The following TENT5D variants were observed in gnomAD, a reference collection of about 807,000 sequenced individuals.
TENT5D encodes terminal nucleotidyltransferase 5D, also known as cancer/testis antigen 112.
For missense variants in TENT5D, 191 were observed against 287.0 expected (o/e 0.67, Z 2.42); for synonymous variants, 103 against 100.6 (o/e 1.02, Z -0.15).
chrX:80,435,810 G>A (rs904570365), intron 1 of TENT5D, among the ~76,000 whole-genome samples: 1 of 112,300 alleles, frequency 8.9e-6, no homozygotes, highest in South Asian at 3.6e-4. Context: ...TCTTTTGTAA[G>A]CAAAACTTAT....
intron 3 of TENT5D, among the ~76,000 whole-genome samples, chrX:80,382,734 G>A (rs1165310974): frequency 3.7e-5 from 4 of 108,334 alleles, no homozygotes; most frequent in Non-Finnish European, 5.7e-5. Context: ...CTGCTGCCTC[G>A]CAGTTCAATC....
At chrX:80,426,173 G>A (rs1931985232) in intron 1 of TENT5D, among the ~76,000 whole-genome samples, 1 of 111,208 alleles carries the variant, frequency 9.0e-6, no homozygotes. Flanking sequence ...TGTAGCATCC[G>A]AAAGCTAGGT....
At chrX:80,375,935 C>T (rs1014848507) in intron 3 of TENT5D, among the ~76,000 whole-genome samples, 11 of 111,455 alleles carry the variant, frequency 9.9e-5, no homozygotes, top group African/African-American at 3.2e-4. Flanking sequence ...ATAAGTAAGG[C>T]AATAAGTACT....
intron 3 of TENT5D, among the ~76,000 whole-genome samples, chrX:80,386,808 A>G (rs866240009): frequency 9.0e-6 from 1 of 111,485 alleles, no homozygotes; most frequent in Non-Finnish European, 1.9e-5. Context: ...AGGGCACTAC[A>G]TGAAAAACTG....
intron 3 of TENT5D, among the ~76,000 whole-genome samples, chrX:80,400,133 G>A (rs960439778): frequency 1.8e-5 from 2 of 111,316 alleles, no homozygotes; most frequent in Non-Finnish European, 3.8e-5. Flanking sequence ...TCTCAGTCCA[G>A]GGCCAAAAAC....
At chrX:80,387,089 G>A (rs780645473) in intron 3 of TENT5D, among the ~76,000 whole-genome samples, 7 of 112,249 alleles carry the variant, frequency 6.2e-5, no homozygotes, top group Non-Finnish European at 1.3e-4. Flanking sequence ...AAAACTGGTT[G>A]TTAAATAACT....
chrX:80,345,498 G>A (rs1276568558), intron 3 of TENT5D, among the ~76,000 whole-genome samples: 1 of 111,194 alleles, frequency 9.0e-6, no homozygotes, highest in Non-Finnish European at 1.9e-5. Flanking sequence ...GGTGCATATT[G>A]GAGGTGAGAA....
intron 3 of TENT5D, among the ~76,000 whole-genome samples, chrX:80,380,531 A>G (rs1235727295): frequency 1.8e-5 from 2 of 110,746 alleles, no homozygotes; most frequent in Non-Finnish European, 3.8e-5. Context: ...CTTCTGTCTC[A>G]TTGATCTGTC....
chrX:80,358,565 G>A (rs1245516892), intron 3 of TENT5D, among the ~76,000 whole-genome samples: 1 of 112,085 alleles, frequency 8.9e-6, no homozygotes, highest in Non-Finnish European at 1.9e-5. Flanking sequence ...GCTGTCTATG[G>A]TTTTGTTTAT....
intron 3 of TENT5D, among the ~76,000 whole-genome samples, chrX:80,407,008 T>TAA (rs1931513624): frequency 9.4e-6 from 1 of 106,611 alleles, no homozygotes; most frequent in Admixed American, 1.0e-4. Flanking sequence ...CTAAGCTTCA[T>TAA]AAGTGAAGGA....
chrX:80,424,616 G>A (rs945421404), intron 1 of TENT5D, among the ~76,000 whole-genome samples: 3 of 112,240 alleles, frequency 2.7e-5, no homozygotes, highest in African/African-American at 9.7e-5. Flanking sequence ...AACAACTACT[G>A]AGACTAGAAA....
chrX:80,352,730 A>AC (rs1930208444), intron 3 of TENT5D, among the ~76,000 whole-genome samples: 1 of 106,445 alleles, frequency 9.4e-6, no homozygotes, highest in East Asian at 3.0e-4. Context: ...CAAAAAAAAA[A>AC]AAAAAAAAAA....
chrX:80,424,292 T>G (rs911738388), intron 1 of TENT5D, among the ~76,000 whole-genome samples: 4 of 111,792 alleles, frequency 3.6e-5, no homozygotes, highest in Admixed American at 9.5e-5. Context: ...GAAACAAGGA[T>G]GGAGGTAAAG....
chrX:80,412,462 A>G (rs982255832), intron 3 of TENT5D, among the ~76,000 whole-genome samples: 4 of 112,493 alleles, frequency 3.6e-5, no homozygotes, highest in African/African-American at 1.3e-4. Flanking sequence ...TTTCCACTGC[A>G]TTGTCAAGCT....
In TENT5D at chrX:80,374,431, A is replaced by G. The variant is rs1293421283; in HGVS notation, c.-142+31867A>G. On this transcript the variant is annotated intron_variant, in intron 3 of 4. Transcript: ENST00000538312. ...AGGAATTGCCACACTGTTTTCAACA[A>G]TTGTTGAACTAATTTACTCTCCCAC... is the stretch of plus-strand genomic sequence containing the variant. 2.7e-5 allele frequency among the ~76,000 whole-genome samples: 3 copies of G among 111,256 alleles called. No individual in the cohort carries two copies. In the Admixed American group the frequency reaches 2.9e-4, roughly 11 times the overall value.
upstream of TENT5D, among the ~76,000 whole-genome samples, chrX:80,419,878 T>C (rs1931850824): frequency 9.0e-6 from 1 of 111,024 alleles, no homozygotes; most frequent in Admixed American, 9.6e-5. Context: ...ACCGAGCTAA[T>C]TTCTTTTTAT....
chrX:80,336,972 A>T (rs768589594), intron 2 of TENT5D, among the ~76,000 whole-genome samples: 25 of 112,072 alleles, frequency 2.2e-4, no homozygotes, highest in African/African-American at 8.1e-4. Flanking sequence ...TGTGAGTTCC[A>T]AACTAAATTT....
At chrX:80,355,126 A>C (rs1160087018) in intron 3 of TENT5D, among the ~76,000 whole-genome samples, 1 of 111,794 alleles carries the variant, frequency 8.9e-6, no homozygotes, top group African/African-American at 3.3e-5. Context: ...TAACACTCCA[A>C]AAGGGGCTGC....
At chrX:80,397,743 A>G (rs1931308266) in intron 3 of TENT5D, among the ~76,000 whole-genome samples, 1 of 112,883 alleles carries the variant, frequency 8.9e-6, no homozygotes, top group Non-Finnish European at 1.9e-5. Context: ...CCCAGCCAAC[A>G]CAGCGAAACC....
Sources: gnomAD v4.1 joint callset for allele counts (sites outside exome capture counted in the v4.1 genomes callset) on GRCh38, gnomAD v4.1.1 for gene constraint, MANE v1.5 for transcripts, NCBI Gene and HGNC (gene_info 2026-07-23, HGNC 2026-07-21) for gene names.